AGBL4: variants seen among roughly 807,000 people sequenced by gnomAD.
AGBL4 encodes the protein AGBL carboxypeptidase 4.
A neutral mutation model predicts 66.4 loss-of-function variants in AGBL4; 58 were observed. The observed-to-expected ratio is 0.87, with a 90% CI of 0.71 to 1.09. The LOEUF (loss-of-function observed/expected upper bound fraction) is 1.09. Among genes scored for constraint, AGBL4 ranks in the 50% least tolerant of loss-of-function variants. The pLI is 0.00. For synonymous variants in AGBL4, 234 were observed against 222.9 expected (o/e 1.05, Z -0.44); for missense variants, 579 against 631.0 (o/e 0.92, Z 0.88).
intron 6 of AGBL4, chr1:48,759,397 C>T: frequency 6.9e-7 from 1 of 1,440,766 alleles, no homozygotes; most frequent in Non-Finnish European, 9.1e-7. Flanking sequence ...AACATCAGTG[C>T]TTGGAGAAAC....
intron 3 of AGBL4, among the ~76,000 whole-genome samples, chr1:49,459,530 A>AT (rs924075786): frequency 2.6e-5 from 4 of 151,266 alleles, no homozygotes; most frequent in African/African-American, 7.3e-5. Flanking sequence ...TCTAACTGAG[A>AT]TTTTTTTTGG....
At chr1:48,911,453 TA>T (rs567404381) in intron 5 of AGBL4, among the ~76,000 whole-genome samples, 1 of 151,058 alleles carries the variant, frequency 6.6e-6, no homozygotes, top group Non-Finnish European at 1.5e-5. Context: ...CCGTCTCTAC[TA>T]AAAAAAATAC....
intron 3 of AGBL4, among the ~76,000 whole-genome samples, chr1:49,560,967 C>T (rs371320418): frequency 9.2e-5 from 14 of 152,104 alleles, no homozygotes; most frequent in Admixed American, 3.9e-4. Flanking sequence ...AAAGGGACTT[C>T]GATCAGGAAG....
At chr1:49,083,506 C>T (rs953610297) in intron 4 of AGBL4, among the ~76,000 whole-genome samples, 3 of 152,202 alleles carry the variant, frequency 2.0e-5, no homozygotes, top group Non-Finnish European at 4.4e-5. Flanking sequence ...TGAACCTTGG[C>T]CCCTTTTAGC....
At position 49,377,867 on chromosome 1, in the gene AGBL4, T is replaced by A. The variant is rs72899914; in HGVS notation, c.283-132003A>T. On this transcript the variant is annotated intron_variant, in intron 3 of 13. Coordinates refer to ENST00000371839, the MANE Select transcript of AGBL4 (RefSeq NM_032785.4). The stretch of plus-strand genomic sequence containing the variant: ...GATATAGTATTCTCTCTACCAGGAA[T>A]GATCACTCTACAAACACCCTGAAAA... 9.0e-3 allele frequency among the ~76,000 whole-genome samples: 1,365 copies of A among 152,216 alleles called. 20 individuals carry two copies. The highest frequency in any genetic ancestry group is 0.024 in the Middle Eastern group (7 of 294).
chr1:48,846,382 AAAG>A (rs1035457135), intron 6 of AGBL4, among the ~76,000 whole-genome samples: 1 of 149,640 alleles, frequency 6.7e-6, no homozygotes, highest in African/African-American at 2.5e-5. Flanking sequence ...AGAAAGAAAG[AAAG>A]AAAGAAAGAA....
intron 5 of AGBL4, among the ~76,000 whole-genome samples, chr1:48,904,274 CA>C (rs1652372489): frequency 6.6e-6 from 1 of 152,036 alleles, no homozygotes. Flanking sequence ...GACTCCATCT[CA>C]AGGAAAATAA....
chr1:49,546,287 A>ATATATATATGTATT (rs1652476626), intron 3 of AGBL4, among the ~76,000 whole-genome samples: 1 of 151,028 alleles, frequency 6.6e-6, no homozygotes, highest in Admixed American at 6.6e-5. Flanking sequence ...ATATTCCATC[A>ATATATATATGTATT]TATATATGTA....
At chr1:48,679,361 G>T (rs184718055) in intron 6 of AGBL4, among the ~76,000 whole-genome samples, 1 of 152,284 alleles carries the variant, frequency 6.6e-6, no homozygotes, top group East Asian at 1.9e-4. Flanking sequence ...AATAATCATG[G>T]CTAATATTAT....
At chr1:48,823,492 T>C (rs1646360375) in intron 6 of AGBL4, among the ~76,000 whole-genome samples, 1 of 152,186 alleles carries the variant, frequency 6.6e-6, no homozygotes, top group Admixed American at 6.5e-5. Flanking sequence ...TCCTTCTTCT[T>C]TTCCCAAGGC....
At chr1:48,914,036 A>G (rs1158752879) in intron 5 of AGBL4, among the ~76,000 whole-genome samples, 1 of 152,216 alleles carries the variant, frequency 6.6e-6, no homozygotes, top group Non-Finnish European at 1.5e-5. Context: ...GGAGTTCAAG[A>G]AAAAACAAAG....
intron 1 of AGBL4, among the ~76,000 whole-genome samples, chr1:49,953,501 G>A (rs1379484520): frequency 1.3e-5 from 2 of 151,286 alleles, no homozygotes; most frequent in East Asian, 1.9e-4. Context: ...TTTTTTAATC[G>A]AGCAGAAGGC....
chr1:49,426,075 A>G (rs1645652174), intron 3 of AGBL4, among the ~76,000 whole-genome samples: 1 of 152,210 alleles, frequency 6.6e-6, no homozygotes. Context: ...GAGTAAGTCA[A>G]AAAAGATTTA....
intron 3 of AGBL4, among the ~76,000 whole-genome samples, chr1:49,430,820 A>G (rs894607312): frequency 2.0e-5 from 3 of 152,130 alleles, no homozygotes; most frequent in African/African-American, 7.2e-5. Flanking sequence ...AGGATAACCA[A>G]TGCCCTCACT....
At chr1:49,053,670 A>G (rs2147894240) in intron 4 of AGBL4, among the ~76,000 whole-genome samples, 1 of 152,258 alleles carries the variant, frequency 6.6e-6, no homozygotes, top group African/African-American at 2.4e-5. Flanking sequence ...AAAATTATGC[A>G]TTTATTTTCT....
chr1:49,719,760 G>C (rs907943895), intron 2 of AGBL4, among the ~76,000 whole-genome samples: 2 of 152,058 alleles, frequency 1.3e-5, no homozygotes, highest in Non-Finnish European at 1.5e-5. Flanking sequence ...GATCTGGTGG[G>C]AGGTAATTTA....
At chr1:49,591,434 A>G (rs2124081819) in intron 3 of AGBL4, among the ~76,000 whole-genome samples, 1 of 152,026 alleles carries the variant, frequency 6.6e-6, no homozygotes, top group Non-Finnish European at 1.5e-5. Flanking sequence ...TTGACTGACT[A>G]AAAAAAAGAA....
At chr1:49,630,798 C>T (rs1389602135) in intron 3 of AGBL4, among the ~76,000 whole-genome samples, 1 of 152,100 alleles carries the variant, frequency 6.6e-6, no homozygotes, top group Non-Finnish European at 1.5e-5. Flanking sequence ...TGATGGATCA[C>T]CTTTGCAGGC....
At chr1:49,203,034 G>T (rs1283099119) in intron 4 of AGBL4, among the ~76,000 whole-genome samples, 1 of 145,480 alleles carries the variant, frequency 6.9e-6, no homozygotes, top group Non-Finnish European at 1.5e-5. Flanking sequence ...TCAGAAAAAT[G>T]CAAATCAAAA....
Sources: allele counts gnomAD v4.1 joint callset (sites outside exome capture counted in the v4.1 genomes callset), GRCh38; gene constraint gnomAD v4.1.1; transcripts MANE v1.5; gene names NCBI Gene and HGNC (gene_info 2026-07-23, HGNC 2026-07-21).